The following ANXA7 variants were observed in gnomAD, a reference collection of about 807,000 sequenced individuals.
ANXA7 encodes the protein annexin A7.
ANXA7 carries 55 observed loss-of-function variants against 64.9 expected under a neutral mutation model. That is an observed-to-expected ratio of 0.85 (90% confidence interval 0.68 to 1.06). The LOEUF (loss-of-function observed/expected upper bound fraction) is 1.06. ANXA7 is among the 50% of genes least tolerant of loss of function. The pLI, the probability that ANXA7 is intolerant of heterozygous loss-of-function variation, is 0.00. For missense variants in ANXA7, 548 were observed against 582.1 expected, an observed-to-expected ratio of 0.94 and a Z score of 0.60; for synonymous variants, 200 against 192.4, an observed-to-expected ratio of 1.04 and a Z score of -0.33.
chr10:73,381,259 A>G (rs1564521741), intron 9 of ANXA7, among the ~76,000 whole-genome samples: 1 of 152,180 alleles, frequency 6.6e-6, no homozygotes, highest in Non-Finnish European at 1.5e-5. Context: ...CATAAAAATG[A>G]CACATAAGCT....
At chr10:73,391,103 G>A (rs537471512) in intron 5 of ANXA7, among the ~76,000 whole-genome samples, 93 of 150,884 alleles carry the variant, frequency 6.2e-4, no homozygotes, top group African/African-American at 2.2e-3. Context: ...GGGAGGCGGA[G>A]GTTGCAGTGA....
intron 5 of ANXA7, among the ~76,000 whole-genome samples, chr10:73,391,731 T>G (rs2055486728): frequency 6.6e-6 from 1 of 152,150 alleles, no homozygotes; most frequent in Admixed American, 6.6e-5. Context: ...CAAAAATTTT[T>G]TTTACACCTT....
In ANXA7 at chr10:73,398,020, A is replaced by C. The variant is rs114106915; in HGVS notation, c.259+161T>G. Among the ~76,000 whole-genome samples, 464 of 152,256 alleles carry C rather than the reference A, an allele frequency of 3.0e-3. 1 individual carries two copies. The highest frequency in any genetic ancestry group is 0.011 in the African/African-American group (452 of 41,538). Reference sequence around the variant, plus strand: ...CTCCCAGCTTTCATGTCCCCAGAGAATCTTCATCCCTCCATCTTGCCAGCT... The same window carrying C: ...CTCCCAGCTTTCATGTCCCCAGAGACTCTTCATCCCTCCATCTTGCCAGCT... On this transcript the variant is annotated intron_variant, in intron 3 of 12. Transcript: ENST00000372921.
intron 1 of ANXA7, among the ~76,000 whole-genome samples, chr10:73,404,980 G>A (rs561681363): frequency 1.3e-5 from 2 of 151,650 alleles, no homozygotes; most frequent in South Asian, 4.2e-4. Flanking sequence ...CGGGCGCGGT[G>A]GCTCACGCCT....
intron 5 of ANXA7, among the ~76,000 whole-genome samples, chr10:73,391,651 C>G (rs557710992): frequency 2.6e-5 from 4 of 152,072 alleles, no homozygotes; most frequent in Admixed American, 6.6e-5. Context: ...ACAACAACAA[C>G]AAGACTATAA....
At chr10:73,381,247 C>T (rs182364364) in intron 9 of ANXA7, among the ~76,000 whole-genome samples, 445 of 152,126 alleles carry the variant, frequency 2.9e-3, no homozygotes, top group African/African-American at 9.5e-3. Flanking sequence ...CATAAATACA[C>T]GCATAAAAAT....
intron 5 of ANXA7, among the ~76,000 whole-genome samples, chr10:73,393,595 A>G (rs1308282719): frequency 6.6e-6 from 1 of 152,206 alleles, no homozygotes; most frequent in African/African-American, 2.4e-5. Context: ...CCTGACAAAA[A>G]CAAGAAATGG....
chr10:73,382,028 C>T (rs144734991), intron 9 of ANXA7, among the ~76,000 whole-genome samples: 384 of 152,190 alleles, frequency 2.5e-3, no homozygotes, highest in African/African-American at 8.6e-3. Flanking sequence ...ACAGGTGCCA[C>T]CACTCCTGGC....
At chr10:73,413,155 GAGGACTGAAAGACAGTCCTCACTGAAA>G (rs915796240) in intron 1 of ANXA7, among the ~76,000 whole-genome samples, 2 of 151,998 alleles carry the variant, frequency 1.3e-5, no homozygotes, top group Admixed American at 6.5e-5. Context: ...AACCACCAGT[GAGGACTGAAAGACAGTCCTCACTGAAA>G]AGGACTGAAA....
intron 1 of ANXA7, among the ~76,000 whole-genome samples, 164 bp downstream of exon 1, chr10:73,413,848 A>G (rs1040355497): frequency 2.0e-5 from 3 of 152,204 alleles, no homozygotes; most frequent in Non-Finnish European, 4.4e-5. Context: ...CCCGGCCGGC[A>G]GCCCGGCTAC....
chr10:73,406,932 A>G (rs770730762), intron 1 of ANXA7, among the ~76,000 whole-genome samples: 2 of 152,020 alleles, frequency 1.3e-5, no homozygotes, highest in African/African-American at 2.4e-5. Context: ...AATCTCTATC[A>G]CTTGAACCAT....
intron 2 of ANXA7, 89 bp from the exon 3 acceptor site, chr10:73,398,474 A>G: frequency 8.6e-7 from 1 of 1,164,350 alleles, no homozygotes; most frequent in Non-Finnish European, 1.2e-6. Context: ...GTTATTATTA[A>G]GGTCTACCTC....
chr10:73,386,204 C>CA (rs1381001187), intron 7 of ANXA7, among the ~76,000 whole-genome samples: 1 of 92,930 alleles, frequency 1.1e-5, no homozygotes, highest in African/African-American at 4.1e-5. Context: ...GACTCTGTCT[C>CA]AAAAAAAAGT....
intron 7 of ANXA7, among the ~76,000 whole-genome samples, chr10:73,384,102 C>CAG (rs2055319769): frequency 6.7e-6 from 1 of 149,472 alleles, no homozygotes; most frequent in South Asian, 2.1e-4. Context: ...GCCTGGGCGA[C>CAG]AGAGCAAGAC....
chr10:73,376,041 G>A lies in ANXA7; in HGVS notation c.*54C>T. On this transcript the variant is annotated 3_prime_UTR_variant, in exon 13 of 13. Transcript: ENST00000372921. The stretch of plus-strand genomic sequence containing the variant: ...ATTGCTGCATGCAGGTCATTGCTCT[G>A]AAGGATAAGCTATGAATAGAAATTT... The A allele has an allele frequency of 7.0e-7, 1 of 1,434,940 alleles. No homozygotes were observed. The highest frequency in any genetic ancestry group is 9.2e-7 in the Non-Finnish European group (1 of 1,081,390). 88.9% of individuals were successfully genotyped at this position (1,434,940 alleles called of 1,614,324 possible). A position where few individuals can be genotyped will look rare whatever the true frequency, so the allele number is the denominator to read the frequency against.
intron 1 of ANXA7, among the ~76,000 whole-genome samples, chr10:73,404,285 C>T (rs2055718253): frequency 6.6e-6 from 1 of 152,148 alleles, no homozygotes; most frequent in South Asian, 2.1e-4. Flanking sequence ...AAACATAACA[C>T]TGGAAATATC....
chr10:73,398,459 C>T, intron 2 of ANXA7, 74 bp from the exon 3 acceptor site: 1 of 1,346,784 alleles, frequency 7.4e-7, no homozygotes, highest in Non-Finnish European at 1.0e-6. Context: ...AAGGAACAAA[C>T]AGAGGTTATT....
chr10:73,408,429 A>G (rs145474105), intron 1 of ANXA7: 1 of 152,178 alleles, frequency 6.6e-6, no homozygotes, highest in Non-Finnish European at 1.5e-5. Flanking sequence ...GAGATAAATT[A>G]ATAGTAATTT....
chr10:73,390,716 AT>A lies in ANXA7; in HGVS notation c.436-2303del, dbSNP rs1564526457. Among the ~76,000 whole-genome samples the A allele has an allele frequency of 6.0e-3, 688 of 114,920 alleles. 18 individuals carry two copies. The highest frequency in any genetic ancestry group is 0.026 in the African/African-American group (653 of 25,400). 75.4% of individuals were successfully genotyped at this position (114,920 alleles called of 152,430 possible). On this transcript the variant is annotated intron_variant, in intron 5 of 12. Coordinates refer to ENST00000372921, the MANE Select transcript of ANXA7 (RefSeq NM_001156.5). ...AAAATATATATATATATATATATAT[AT>A]ATAAAAATATATATATACACACACA...
Sources: allele counts gnomAD v4.1 joint callset (sites outside exome capture counted in the v4.1 genomes callset), GRCh38; gene constraint gnomAD v4.1.1; transcripts MANE v1.5; gene names NCBI Gene and HGNC (gene_info 2026-07-23, HGNC 2026-07-21).